OXNAD1: variants seen among roughly 807,000 people sequenced by gnomAD.
OXNAD1 encodes oxidoreductase NAD binding domain containing 1, also known as oxidoreductase NAD-binding domain-containing protein 1.
A neutral mutation model predicts 32.9 loss-of-function variants in OXNAD1; 34 were observed. The ratio of observed to expected loss-of-function variants is 1.03; its 90% CI spans 0.79 to 1.38. The LOEUF (loss-of-function observed/expected upper bound fraction) is 1.38, where lower values mean the gene tolerates loss of function less well. OXNAD1 is among the 40% of genes most tolerant of loss of function. The probability of loss-of-function intolerance (pLI) is 0.00; values close to 1 mark genes in which losing one functional copy is unlikely to be tolerated. For missense variants in OXNAD1, 407 were observed against 379.4 expected (o/e 1.07, Z -0.60); for synonymous variants, 134 against 135.2 (o/e 0.99, Z 0.06).
At position 16,301,859 on chromosome 3, in the gene OXNAD1, CCT is replaced by C. The variant is rs2067211161; in HGVS notation, c.667_668del (p.Leu223ValfsTer2). 6.2e-7 allele frequency: 1 copy of C among 1,613,722 alleles called. No homozygotes were observed. Among genetic ancestry groups the C allele is most frequent in the African/African-American group, 1.3e-5 (1 of 74,904 alleles). ...ACAGTGCAAAAAATACCAGCGAACTCCTGTTTAAGGTAAGGGAGGTATAGCTT... is the reference window on the plus strand; with the variant it reads ...ACAGTGCAAAAAATACCAGCGAACTCGTTTAAGGTAAGGGAGGTATAGCTT... ...FYSAKNTSELLFKKNILDLVN... is the reference protein window; with the variant it reads ...FYSAKNTSELXFKKNILDLVN... On this transcript the variant is annotated frameshift_variant, in exon 7 of 9. Coordinates refer to ENST00000285083, the MANE Select transcript of OXNAD1 (RefSeq NM_138381.5). LOFTEE classifies it high-confidence loss of function. This position sits in a 1 kb window ranked among gnomAD's most constrained non-coding sequence, Gnocchi z 4.1.
In OXNAD1 at chr3:16,277,950, A is replaced by G. The variant is rs569252866; in HGVS notation, c.183+6228A>G. Among the ~76,000 whole-genome samples, 1 of 152,346 alleles carries G rather than the reference A, an allele frequency of 6.6e-6. No homozygotes were observed. Among genetic ancestry groups the G allele is most frequent in the South Asian group, 2.1e-4 (1 of 4,826 alleles). ...AGAAATGTCAAGGAGATAAAGATAG[A>G]AATACTGTAATGCAGTAAAGATTGT... On this transcript the variant is annotated intron_variant, in intron 4 of 8. Coordinates refer to ENST00000285083, the MANE Select transcript of OXNAD1 (RefSeq NM_138381.5). This position sits in a 1 kb window ranked among gnomAD's most constrained non-coding sequence, Gnocchi z 4.3.
intron 9 of OXNAD1, among the ~76,000 whole-genome samples, chr3:16,333,578 A>G (rs1385552498): frequency 1.3e-5 from 2 of 152,232 alleles, no homozygotes; most frequent in Non-Finnish European, 2.9e-5. Context: ...TTATTATTTT[A>G]ATGTTTAAAG....
At chr3:16,331,404 A>G (rs2070297452) in intron 9 of OXNAD1, among the ~76,000 whole-genome samples, 1 of 152,218 alleles carries the variant, frequency 6.6e-6, no homozygotes, top group Non-Finnish European at 1.5e-5. Flanking sequence ...TGTAATTTAA[A>G]GTAAATCAAA....
Position 16,304,977 on chromosome 3 carries a change from A to G in OXNAD1, c.*1415A>G, listed in dbSNP as rs1299920390. ...CAGATTTGAATTTGGGGAGGAAGGG[A>G]GGAGCTACTGACCTGATGGGAATAT... On this transcript the variant is annotated 3_prime_UTR_variant, in exon 9 of 9. Coordinates refer to ENST00000285083, the MANE Select transcript of OXNAD1 (RefSeq NM_138381.5). This position sits in a 1 kb window ranked among gnomAD's most constrained non-coding sequence, Gnocchi z 4.6. 1.3e-5 allele frequency: 2 copies of G among 152,140 alleles called. No homozygotes were observed. The highest frequency in any genetic ancestry group is 3.9e-4 in the East Asian group (2 of 5,194). The allele number at this position is 152,140 out of a possible 1,614,324, so 9.4% of individuals were successfully genotyped here.
chr3:16,276,894 C>T (rs539843699), intron 4 of OXNAD1, among the ~76,000 whole-genome samples: 1 of 150,614 alleles, frequency 6.6e-6, no homozygotes, highest in South Asian at 2.1e-4. Flanking sequence ...AGTTGCATCT[C>T]TTCTCCTCTT....
Position 16,294,941 on chromosome 3 carries a change from A to G in OXNAD1, c.376A>G (p.Ile126Val), listed in dbSNP as rs1489493738. Residue 126 changes from isoleucine to valine, a missense_variant, in exon 6 of 9, where the codon ATA (isoleucine) becomes GTA (valine). Coordinates refer to ENST00000285083, the MANE Select transcript of OXNAD1 (RefSeq NM_138381.5). ...CAGACTGCTAGAACAAGAGAGAGTG[A>G]TAGAATTGGCAGTGAAATATACGAA... ...SPRLLEQERV[I>V]ELAVKYTNHP... The G allele has an allele frequency of 1.2e-6, 2 of 1,613,474 alleles. No individual in the cohort carries two copies. Among genetic ancestry groups the G allele is most frequent in the Non-Finnish European group, 1.7e-6 (2 of 1,179,674 alleles).
chr3:16,326,882 G>A (rs766892442), intron 9 of OXNAD1: 6 of 1,611,660 alleles, frequency 3.7e-6, no homozygotes, highest in Non-Finnish European at 5.1e-6. Flanking sequence ...ACACCCTGGG[G>A]GAACAAGGCC....
At chr3:16,270,734 A>G (rs1175831842) in intron 2 of OXNAD1, among the ~76,000 whole-genome samples, 4 of 152,162 alleles carry the variant, frequency 2.6e-5, no homozygotes, top group Non-Finnish European at 5.9e-5. Context: ...ACATACTTAT[A>G]TACATAATTG....
Position 16,301,936 on chromosome 3 carries a change from C to G in OXNAD1, c.675+68C>G, listed in dbSNP as rs1209527897. 1 of 1,545,302 alleles carries G rather than the reference C, an allele frequency of 6.5e-7. No individual in the cohort carries two copies. Among genetic ancestry groups the G allele is most frequent in the Non-Finnish European group, 8.7e-7 (1 of 1,147,806 alleles). ...TATTAATTGTTCATGAAAGTTTTTT[C>G]TCTAGGTTTTGTTTTCTCTGCAAAG... On this transcript the variant is annotated intron_variant, in intron 7 of 8. Transcript: ENST00000285083. The surrounding 1 kb of genome is among the most constrained non-coding windows in gnomAD (Gnocchi z 4.1).
chr3:16,340,382 C>T (rs1436751281), downstream of OXNAD1, among the ~76,000 whole-genome samples: 1 of 152,218 alleles, frequency 6.6e-6, no homozygotes, highest in Non-Finnish European at 1.5e-5. Context: ...ATACACAAGG[C>T]TCTGTTCTAG....
chr3:16,333,239 G>C (rs541636462), intron 9 of OXNAD1, among the ~76,000 whole-genome samples: 3 of 152,290 alleles, frequency 2.0e-5, no homozygotes, highest in Admixed American at 2.0e-4. Flanking sequence ...GGCACTATGT[G>C]TACCACAAAA....
chr3:16,327,386 G>A lies in OXNAD1; in HGVS notation c.*31-9726G>A, dbSNP rs920934763. Among the ~76,000 whole-genome samples the A allele has an allele frequency of 2.0e-5, 3 of 152,202 alleles. No homozygotes were observed. Among genetic ancestry groups the A allele is most frequent in the East Asian group, 1.9e-4 (1 of 5,194 alleles). Reference sequence around the variant, plus strand: ...CTGCTTTGCCTGTGTTATGTGCCCTGCCTTGCAGGGATAAATGAATGCTGC... The same window carrying A: ...CTGCTTTGCCTGTGTTATGTGCCCTACCTTGCAGGGATAAATGAATGCTGC... On this transcript the variant is annotated intron_variant, in intron 9 of 9. Transcript: ENST00000435829. The surrounding 1 kb of genome is among the most constrained non-coding windows in gnomAD (Gnocchi z 4.2).
At chr3:16,292,167 C>T (rs1246239258) in intron 5 of OXNAD1, among the ~76,000 whole-genome samples, 3 of 150,326 alleles carry the variant, frequency 2.0e-5, no homozygotes, top group African/African-American at 7.3e-5. Context: ...AAATATTTTT[C>T]CCATTATGTA....
At chr3:16,294,472 G>C (rs183713464) in intron 5 of OXNAD1, among the ~76,000 whole-genome samples, 1 of 152,340 alleles carries the variant, frequency 6.6e-6, no homozygotes, top group Admixed American at 6.5e-5. Context: ...GCCTCCCAAA[G>C]TGCTGGGATT....
intron 9 of OXNAD1, chr3:16,326,947 T>A: frequency 8.6e-7 from 1 of 1,168,814 alleles, no homozygotes; most frequent in Non-Finnish European, 1.2e-6. Flanking sequence ...GAGGGGACTA[T>A]TCAGTCTGCC....
intron 9 of OXNAD1, chr3:16,323,416 C>T (rs760967852): frequency 1.9e-6 from 3 of 1,612,134 alleles, no homozygotes; most frequent in Non-Finnish European, 2.5e-6. Flanking sequence ...TAGACAAGGT[C>T]TCTGAAGAAA....
At chr3:16,333,700 G>A (rs2125255698) in intron 9 of OXNAD1, among the ~76,000 whole-genome samples, 1 of 151,922 alleles carries the variant, frequency 6.6e-6, no homozygotes, top group South Asian at 2.1e-4. Flanking sequence ...TGACAAAATG[G>A]AAAAATGTTT....
chr3:16,311,072 A>C (rs2067949076), downstream of OXNAD1, among the ~76,000 whole-genome samples: 1 of 148,206 alleles, frequency 6.7e-6, no homozygotes, highest in Admixed American at 6.7e-5. Flanking sequence ...TTCCCTTTGT[A>C]CTCCCACATG....
Position 16,271,328 on chromosome 3 carries a change from C to A in OXNAD1, c.119+257C>A, listed in dbSNP as rs552615363. ...AAGTGATTCTCCTGTCTTAGCCTCC[C>A]GAGTAGCTGGGATTACAGGCGTGCA... On this transcript the variant is annotated intron_variant, in intron 3 of 8. Coordinates refer to ENST00000285083, the MANE Select transcript of OXNAD1 (RefSeq NM_138381.5). The surrounding 1 kb of genome is among the most constrained non-coding windows in gnomAD (Gnocchi z 4.6). 9.3e-6 allele frequency: 5 copies of A among 535,828 alleles called. No homozygotes were observed. The highest frequency in any genetic ancestry group is 1.6e-5 in the Non-Finnish European group (5 of 306,616). The allele number at this position is 535,828 out of a possible 1,614,324, so 33.2% of individuals were successfully genotyped here. A position where few individuals can be genotyped will look rare whatever the true frequency, so the allele number is the denominator to read the frequency against.
Sources: gnomAD v4.1 joint callset for allele counts (sites outside exome capture counted in the v4.1 genomes callset) on GRCh38, gnomAD v4.1.1 for gene constraint, Gnocchi (gnomAD v3.1) non-coding constraint, MANE v1.5 for transcripts, NCBI Gene and HGNC (gene_info 2026-07-23, HGNC 2026-07-21) for gene names.